KDM3B: variants seen among roughly 807,000 people sequenced by gnomAD.
The protein encoded by KDM3B is lysine demethylase 3B.
Under a neutral mutation model 170.0 loss-of-function variants are expected in KDM3B, and 10 were observed. The ratio of observed to expected loss-of-function variants is 0.06; its 90% confidence interval spans 0.04 to 0.10. The LOEUF (loss-of-function observed/expected upper bound fraction) is 0.10, where lower values mean the gene tolerates loss of function less well. Among genes scored for constraint, KDM3B ranks in the 10% least tolerant of loss-of-function variants. The pLI, the probability that KDM3B is intolerant of heterozygous loss-of-function variation, is 1.00. For missense variants in KDM3B, 1,394 were observed against 2,195.2 expected, an observed-to-expected ratio of 0.64 and a Z score of 7.29; for synonymous variants, 831 against 834.8, an observed-to-expected ratio of 1.00 and a Z score of 0.08.
intron 11 of KDM3B, among the ~76,000 whole-genome samples, chr5:138,401,681 T>C (rs889587124): frequency 3.3e-5 from 5 of 152,212 alleles, no homozygotes; most frequent in African/African-American, 1.2e-4. Flanking sequence ...ATTCTACTTT[T>C]AACCTTTTGA....
chr5:138,386,191 G>A lies in KDM3B; in HGVS notation c.950G>A (p.Gly317Asp). 6.2e-7 allele frequency: 1 copy of A among 1,614,142 alleles called. No individual in the cohort carries two copies. The highest frequency in any genetic ancestry group is 8.5e-7 in the Non-Finnish European group (1 of 1,180,030). The change falls in exon 7 of 24, where the codon GGT becomes GAT. Residue 317 changes from glycine to aspartate, a missense_variant. Transcript: ENST00000314358. ...GEVDSNGSDGGEASRGPWKGG... is the reference protein window; with the variant it reads ...GEVDSNGSDGDEASRGPWKGG... ...GTAGACAGTAATGGGAGCGATGGAG[G>A]TGAGGCAAGCCGAGGGCCCTGGAAA...
At chr5:138,364,092 A>G (rs926048018) in intron 1 of KDM3B, among the ~76,000 whole-genome samples, 6 of 151,412 alleles carry the variant, frequency 4.0e-5, no homozygotes, top group African/African-American at 1.2e-4. Flanking sequence ...TAATTTTTGT[A>G]TTTTTAGTAA....
chr5:138,403,632 G>A (rs1461544215), intron 11 of KDM3B, among the ~76,000 whole-genome samples: 2 of 150,366 alleles, frequency 1.3e-5, no homozygotes, highest in African/African-American at 2.5e-5. Context: ...AGCCAAGATC[G>A]TGCCATTGCA....
At chr5:138,393,482 T>A in intron 9 of KDM3B, 110 bp downstream of exon 9, 1 of 883,240 alleles carries the variant, frequency 1.1e-6, no homozygotes, top group Non-Finnish European at 1.8e-6. Flanking sequence ...TTTGCTTTCC[T>A]CAACTCCTTT....
intron 10 of KDM3B, among the ~76,000 whole-genome samples, chr5:138,399,406 C>T (rs890836938): frequency 6.6e-5 from 10 of 151,546 alleles, no homozygotes; most frequent in African/African-American, 2.2e-4. Context: ...GGCTTGGTGG[C>T]GGGTGCCTGT....
At chr5:138,370,111 T>G (rs1359436662) in intron 1 of KDM3B, among the ~76,000 whole-genome samples, 2 of 152,216 alleles carry the variant, frequency 1.3e-5, no homozygotes, top group Non-Finnish European at 2.9e-5. Context: ...CTATGTCTTA[T>G]TCCCCTACAA....
At chr5:138,428,264 A>AGAG (rs1293320395) in intron 20 of KDM3B, among the ~76,000 whole-genome samples, 178 bp downstream of exon 20, 8 of 150,162 alleles carry the variant, frequency 5.3e-5, no homozygotes, top group Non-Finnish European at 1.0e-4. Flanking sequence ...GCTAGAGTGC[A>AGAG]GAGGTGCGAT....
intron 6 of KDM3B, among the ~76,000 whole-genome samples, chr5:138,382,494 CGA>C (rs1762151468): frequency 1.3e-5 from 2 of 151,970 alleles, no homozygotes; most frequent in South Asian, 4.1e-4. Flanking sequence ...CTGAACCAAT[CGA>C]GTAATTCTGT....
intron 14 of KDM3B, among the ~76,000 whole-genome samples, chr5:138,419,553 G>A (rs1763200239): frequency 6.7e-6 from 1 of 150,166 alleles, no homozygotes; most frequent in Non-Finnish European, 1.5e-5. Context: ...TACTTGGGAG[G>A]CTGAGGCAGG....
In KDM3B at chr5:138,416,486, G is replaced by A. The variant is rs183024633; in HGVS notation, c.3308-997G>A. The stretch of plus-strand genomic sequence containing the variant: ...CGCCTGTAATCCCAACTACTAGGGA[G>A]GCTGAGGCAGGAGAATTGCTTGAAC... On this transcript the variant is annotated intron_variant, in intron 12 of 23. Transcript: ENST00000314358. Among the ~76,000 whole-genome samples the A allele has an allele frequency of 4.4e-3, 672 of 151,500 alleles. 1 individual carries two copies. The highest frequency in any genetic ancestry group is 7.2e-3 in the Non-Finnish European group (488 of 67,890).
chr5:138,410,529 G>C (rs1282420128), intron 11 of KDM3B, among the ~76,000 whole-genome samples: 10 of 152,002 alleles, frequency 6.6e-5, no homozygotes, highest in Non-Finnish European at 1.2e-4. Flanking sequence ...AGCCCCACAG[G>C]GTCAGTGGGT....
chr5:138,409,297 T>A (rs1391849850), intron 11 of KDM3B, among the ~76,000 whole-genome samples: 1 of 151,124 alleles, frequency 6.6e-6, no homozygotes, highest in Non-Finnish European at 1.5e-5. Flanking sequence ...TATGTAGAAA[T>A]CCAGAGATCT....
At chr5:138,405,866 C>A in intron 11 of KDM3B, among the ~76,000 whole-genome samples, 1 of 152,160 alleles carries the variant, frequency 6.6e-6, no homozygotes, top group African/African-American at 2.4e-5. Context: ...AAGGATCTTA[C>A]ACTTTATGTA....
chr5:138,352,713 AG>A lies in KDM3B; in HGVS notation c.-81del. On this transcript the variant is annotated 5_prime_UTR_variant, in exon 1 of 24. Coordinates refer to ENST00000314358, the MANE Select transcript of KDM3B (RefSeq NM_016604.4). ...CGGCGGCCGCGGGTGGTGCGGAGGG[AG>A]GCCTTGCGGGCGGATCGGGCGCTTG... 6.0e-6 allele frequency: 6 copies of A among 1,005,182 alleles called. No homozygotes were observed. The highest frequency in any genetic ancestry group is 7.2e-6 in the Non-Finnish European group (6 of 828,054). 62.3% of individuals were successfully genotyped at this position (1,005,182 alleles called of 1,614,324 possible). A position where few individuals can be genotyped will look rare whatever the true frequency, so the allele number is the denominator to read the frequency against.
intron 10 of KDM3B, among the ~76,000 whole-genome samples, chr5:138,399,469 C>T (rs1413560149): frequency 4.6e-5 from 7 of 151,672 alleles, no homozygotes; most frequent in Admixed American, 1.3e-4. Context: ...ACCCGGGAGG[C>T]GGAGCTTGCA....
At chr5:138,392,375 A>AG in intron 8 of KDM3B, 114 bp downstream of exon 8, 8 of 1,120,072 alleles carry the variant, frequency 7.1e-6, no homozygotes, top group South Asian at 2.8e-5. Context: ...AATCTCATAG[A>AG]ATTACAGAGC....
Position 138,436,613 on chromosome 5 carries a change from CAT to C in KDM3B, c.*914_*915del, listed in dbSNP as rs1763680128. The stretch of plus-strand genomic sequence containing the variant: ...CACATCTAAGCTGTGGTGTGTTCCC[CAT>C]GTGTGTGTACAACACTGGTGACTCC... On this transcript the variant is annotated 3_prime_UTR_variant, in exon 24 of 24. Transcript: ENST00000314358. 1 of 152,178 alleles carries C rather than the reference CAT, an allele frequency of 6.6e-6. No individual in the cohort carries two copies. Among genetic ancestry groups the C allele is most frequent in the African/African-American group, 2.4e-5 (1 of 41,438 alleles). 9.4% of individuals were successfully genotyped at this position (152,178 alleles called of 1,614,324 possible).
At chr5:138,379,087 A>G (rs1276053319) in intron 4 of KDM3B, among the ~76,000 whole-genome samples, 1 of 152,176 alleles carries the variant, frequency 6.6e-6, no homozygotes, top group Non-Finnish European at 1.5e-5. Flanking sequence ...TGGAAACTTC[A>G]TAAATTGAAC....
chr5:138,399,126 G>A (rs1269843682), intron 10 of KDM3B, among the ~76,000 whole-genome samples: 1 of 151,404 alleles, frequency 6.6e-6, no homozygotes, highest in Admixed American at 6.6e-5. Context: ...CTGACCTCGT[G>A]ATCTGCCCGC....
Sources: gnomAD v4.1 joint callset for allele counts (sites outside exome capture counted in the v4.1 genomes callset) on GRCh38, gnomAD v4.1.1 for gene constraint, MANE v1.5 for transcripts, NCBI Gene and HGNC (gene_info 2026-07-23, HGNC 2026-07-21) for gene names.